Variants in KLHL5 observed in about 807,000 individuals in gnomAD.
KLHL5 encodes the protein kelch like family member 5.
Under a neutral mutation model 77.7 loss-of-function variants are expected in KLHL5, and 48 were observed. The observed-to-expected ratio is 0.62, with a 90% confidence interval of 0.49 to 0.79. KLHL5 has a LOEUF of 0.79. Ranked by LOEUF, KLHL5 falls within the 30% of genes least tolerant of loss-of-function variation. The probability of loss-of-function intolerance (pLI) is 0.00; values close to 1 mark genes in which losing one functional copy is unlikely to be tolerated. For synonymous variants in KLHL5, 260 were observed against 297.0 expected, an observed-to-expected ratio of 0.88 and a Z score of 1.28; for missense variants, 723 against 859.7, an observed-to-expected ratio of 0.84 and a Z score of 1.99.
At position 39,103,437 on chromosome 4, in the gene KLHL5, C is replaced by T; in HGVS notation, c.1451C>T (p.Thr484Ile). The T allele has an allele frequency of 1.9e-6, 3 of 1,614,164 alleles. No individual in the cohort carries two copies. The highest frequency in any genetic ancestry group is 2.5e-6 in the Non-Finnish European group (3 of 1,180,010). The change falls in exon 7 of 11, where the codon ACT becomes ATT. Residue 484 changes from threonine to isoleucine, a missense_variant. Coordinates refer to ENST00000504108, the MANE Select transcript of KLHL5 (RefSeq NM_015990.5). ...GGRDGLKTLN[T>I]VECYNPKTKT... The stretch of plus-strand genomic sequence containing the variant: ...AGAGATGGACTGAAGACTTTGAATA[C>T]TGTAGAGTGCTACAACCCCAAAACA...
upstream of KLHL5, among the ~76,000 whole-genome samples, chr4:39,060,838 A>G (rs1326512499): frequency 1.3e-5 from 2 of 152,298 alleles, no homozygotes; most frequent in Non-Finnish European, 2.9e-5. Flanking sequence ...TTCCTAAAAC[A>G]TTGTCCTGTT....
rs1719604265 is a variant in KLHL5, at chr4:39,081,384, G to T, written c.703+145G>T. ...TACCCTTTGTATTTAACCTGGTGATGAATTAAAATTTCCATACTAAAACCT... is the reference window on the plus strand; with the variant it reads ...TACCCTTTGTATTTAACCTGGTGATTAATTAAAATTTCCATACTAAAACCT... On this transcript the variant is annotated intron_variant, in intron 3 of 10. Transcript: ENST00000504108. This position sits in a 1 kb window ranked among gnomAD's most constrained non-coding sequence, Gnocchi z 4.3. 5.3e-6 allele frequency: 3 copies of T among 564,612 alleles called. No homozygotes were observed. Among genetic ancestry groups the T allele is most frequent in the Non-Finnish European group, 8.3e-6 (3 of 362,238 alleles). 35.0% of individuals were successfully genotyped at this position (564,612 alleles called of 1,614,324 possible).
intron 8 of KLHL5, chr4:39,112,810 T>TATA (rs1271863951): frequency 2.0e-6 from 1 of 512,172 alleles, no homozygotes; most frequent in Non-Finnish European, 3.5e-6. Flanking sequence ...GTGCAGTTTG[T>TATA]TTTCCTTTTC....
intron 1 of KLHL5, among the ~76,000 whole-genome samples, chr4:39,065,187 A>G (rs1717776095): frequency 6.6e-6 from 1 of 152,120 alleles, no homozygotes. Flanking sequence ...TCTAATTTTT[A>G]CATCTTCCTT....
At position 39,086,667 on chromosome 4, in the gene KLHL5, G is replaced by A. The variant is rs1354994120; in HGVS notation, c.1053G>A (p.Gln351=). The A allele has an allele frequency of 6.2e-7, 1 of 1,613,976 alleles. No homozygotes were observed. Among genetic ancestry groups the A allele is most frequent in the Admixed American group, 1.7e-5 (1 of 59,978 alleles). Residue 351 remains glutamine, a synonymous_variant, in exon 5 of 11, where the codon CAG becomes CAA. Coordinates refer to ENST00000504108, the MANE Select transcript of KLHL5 (RefSeq NM_015990.5). ...LLTWVRHDLE[Q]RRKDLSKLLA... is the part of the protein sequence containing the mutation. ...CTTGGGTCCGTCATGATTTGGAACA[G>A]AGACGGAAAGATCTAAGTAAACTTT...
intron 5 of KLHL5, chr4:39,093,208 C>A: frequency 2.2e-6 from 1 of 449,092 alleles, no homozygotes; most frequent in Admixed American, 2.4e-5. Flanking sequence ...GGAGCTACAG[C>A]AGGGACAAGT....
At chr4:39,119,888 G>A (rs976793908) in intron 10 of KLHL5, among the ~76,000 whole-genome samples, 1 of 151,402 alleles carries the variant, frequency 6.6e-6, no homozygotes, top group Non-Finnish European at 1.5e-5. Flanking sequence ...TTTGAGGTCA[G>A]TTCGATAATG....
At chr4:39,084,177 G>A (rs1344830630) in intron 4 of KLHL5, among the ~76,000 whole-genome samples, 6 of 152,176 alleles carry the variant, frequency 3.9e-5, no homozygotes, top group Non-Finnish European at 8.8e-5. Flanking sequence ...GATTTAAAAT[G>A]TAAAGCATAA....
At position 39,075,997 on chromosome 4, in the gene KLHL5, G is replaced by A; in HGVS notation, c.416G>A (p.Cys139Tyr). ...AATAGTAGTCAGACATTATCATCCTGTCATACTATGGAGCCATGTACATCA... is the reference window on the plus strand; with the variant it reads ...AATAGTAGTCAGACATTATCATCCTATCATACTATGGAGCCATGTACATCA... ...TSNSSQTLSS[C>Y]HTMEPCTSDE... Residue 139 changes from cysteine to tyrosine, a missense_variant, in exon 2 of 11, where the codon TGT becomes TAT. Cys to Tyr is a radical substitution (Grantham distance 194). Around this residue, in one of 3 missense-constraint regions of KLHL5, gnomAD observed 221 missense variants for 222.1 expected, o/e 1.00. Coordinates refer to ENST00000504108, the MANE Select transcript of KLHL5 (RefSeq NM_015990.5). 2 of 1,611,268 alleles carry A rather than the reference G, an allele frequency of 1.2e-6. No individual in the cohort carries two copies. The highest frequency in any genetic ancestry group is 1.7e-6 in the Non-Finnish European group (2 of 1,179,116).
chr4:39,109,433 G>C (rs1722289023), intron 8 of KLHL5, among the ~76,000 whole-genome samples: 1 of 151,806 alleles, frequency 6.6e-6, no homozygotes, highest in African/African-American at 2.4e-5. Context: ...CAAGTAGCTG[G>C]GACTACAGGT....
upstream of KLHL5, among the ~76,000 whole-genome samples, chr4:39,057,644 A>G (rs1473557822): frequency 1.3e-5 from 2 of 152,176 alleles, no homozygotes; most frequent in Non-Finnish European, 2.9e-5. Context: ...GGGTGCTTCA[A>G]AATCATGCAA....
chr4:39,081,004 T>C lies in KLHL5; in HGVS notation c.567-99T>C, dbSNP rs1251840711. On this transcript the variant is annotated intron_variant, in intron 2 of 10. Coordinates refer to ENST00000504108, the MANE Select transcript of KLHL5 (RefSeq NM_015990.5). This position sits in a 1 kb window ranked among gnomAD's most constrained non-coding sequence, Gnocchi z 4.3. ...GCTTAAAATGCATTTCCTAGTACCATGCACTGTGAGTAACAAATAAAAAAG... is the reference window on the plus strand; with the variant it reads ...GCTTAAAATGCATTTCCTAGTACCACGCACTGTGAGTAACAAATAAAAAAG... The C allele has an allele frequency of 2.5e-6, 3 of 1,185,680 alleles. No homozygotes were observed. Among genetic ancestry groups the C allele is most frequent in the Non-Finnish European group, 3.6e-6 (3 of 833,476 alleles). The allele number at this position is 1,185,680 out of a possible 1,614,324, so 73.4% of individuals were successfully genotyped here.
rs1717573989 is a variant in KLHL5, at chr4:39,062,992, G to A, written c.340G>A (p.Gly114Ser). ...GCTGGATAGACCAGAAGTGGATGATGGCACTAGTGAAGAAGAAAATGAATC... is the reference window on the plus strand; with the variant it reads ...GCTGGATAGACCAGAAGTGGATGATAGCACTAGTGAAGAAGAAAATGAATC... The part of the protein sequence containing the change: ...HWLDRPEVDD[G>S]TSEEENESDS... The change falls in exon 1 of 11, where the codon GGC (glycine) becomes AGC (serine). Residue 114 changes from glycine to serine, a missense_variant. Transcript: ENST00000504108. 6.2e-7 allele frequency: 1 copy of A among 1,613,602 alleles called. No homozygotes were observed. The highest frequency in any genetic ancestry group is 8.5e-7 in the Non-Finnish European group (1 of 1,179,870).
intron 1 of KLHL5, among the ~76,000 whole-genome samples, chr4:39,048,184 G>T (rs886196176): frequency 6.6e-6 from 1 of 152,200 alleles, no homozygotes; most frequent in Non-Finnish European, 1.5e-5. Context: ...AATGTATTTG[G>T]TTCCAGAGTT....
chr4:39,053,963 G>A (rs2109257925), intron 1 of KLHL5, among the ~76,000 whole-genome samples: 1 of 152,268 alleles, frequency 6.6e-6, no homozygotes, highest in African/African-American at 2.4e-5. Flanking sequence ...GTGAATAAAT[G>A]TCATTTTGGC....
At chr4:39,128,009 A>G (rs1373407181), downstream of KLHL5, among the ~76,000 whole-genome samples, 2 of 152,194 alleles carry the variant, frequency 1.3e-5, no homozygotes, top group South Asian at 2.1e-4. Context: ...AGTTAATCCA[A>G]TAGAGAATCC....
the KLHL5 span, among the ~76,000 whole-genome samples, chr4:39,142,588 C>T: frequency 6.6e-6 from 1 of 151,910 alleles, no homozygotes; most frequent in Non-Finnish European, 1.5e-5. Flanking sequence ...CATGGTGTAC[C>T]AGAGAAAATG....
chr4:39,046,319 AAAG>A (rs1196498893), intron 1 of KLHL5, among the ~76,000 whole-genome samples: 1 of 152,058 alleles, frequency 6.6e-6, no homozygotes, highest in Non-Finnish European at 1.5e-5. Context: ...TAGAGCAGGA[AAAG>A]AAGAACACAA....
intron 1 of KLHL5, among the ~76,000 whole-genome samples, chr4:39,069,535 C>T (rs1235537845): frequency 1.5e-5 from 2 of 136,398 alleles, no homozygotes; most frequent in African/African-American, 2.8e-5. Flanking sequence ...ACTTTTTTAC[C>T]ATATATATAT....
Sources: gnomAD v4.1 joint callset for allele counts (sites outside exome capture counted in the v4.1 genomes callset) on GRCh38, gnomAD v4.1.1 for gene constraint, gnomAD v4.1.1 regional missense constraint, Gnocchi (gnomAD v3.1) non-coding constraint, MANE v1.5 for transcripts, NCBI Gene and HGNC (gene_info 2026-07-23, HGNC 2026-07-21) for gene names.